The following AGBL1 variants were observed in gnomAD, a reference collection of about 807,000 sequenced individuals.
AGBL1 encodes AGBL carboxypeptidase 1.
A neutral mutation model predicts 118.9 loss-of-function variants in AGBL1; 130 were observed. The ratio of observed to expected loss-of-function variants is 1.09; its 90% CI spans 0.95 to 1.26. AGBL1 has a LOEUF of 1.26. Ranked by LOEUF, AGBL1 falls within the 50% of genes most tolerant of loss-of-function variation. The pLI, the probability that AGBL1 is intolerant of heterozygous loss-of-function variation, is 0.00. For synonymous variants in AGBL1, 555 were observed against 478.9 expected, an observed-to-expected ratio of 1.16 and a Z score of -2.08; for missense variants, 1,584 against 1,298.1, an observed-to-expected ratio of 1.22 and a Z score of -3.38.
chr15:86,490,691 C>T (rs952074975), intron 18 of AGBL1, among the ~76,000 whole-genome samples: 4 of 152,128 alleles, frequency 2.6e-5, no homozygotes, highest in Non-Finnish European at 5.9e-5. Flanking sequence ...ATTAGGAAAC[C>T]GAATGCAAAC....
intron 17 of AGBL1, among the ~76,000 whole-genome samples, chr15:86,336,081 G>T (rs1159750756): frequency 6.6e-6 from 1 of 152,172 alleles, no homozygotes; most frequent in Non-Finnish European, 1.5e-5. Context: ...AGAAAGAAAG[G>T]GTGGAGAAAT....
chr15:86,187,521 G>A (rs141763373), intron 5 of AGBL1, among the ~76,000 whole-genome samples: 1 of 152,266 alleles, frequency 6.6e-6, no homozygotes, highest in East Asian at 1.9e-4. Context: ...TTGACCCTAA[G>A]CAACTTTCTT....
At chr15:86,319,389 T>C (rs1272847045) in intron 17 of AGBL1, among the ~76,000 whole-genome samples, 1 of 152,192 alleles carries the variant, frequency 6.6e-6, no homozygotes, top group Admixed American at 6.5e-5. Context: ...TAATTGGCAT[T>C]TTTTTGATAA....
chr15:86,501,872 G>A (rs1313830143), intron 18 of AGBL1, among the ~76,000 whole-genome samples: 3 of 151,594 alleles, frequency 2.0e-5, no homozygotes, highest in African/African-American at 7.3e-5. Flanking sequence ...ATTCGGAAGT[G>A]TGAGTCCTCC....
chr15:86,275,752 C>G (rs1436144130), intron 15 of AGBL1, among the ~76,000 whole-genome samples: 2 of 152,036 alleles, frequency 1.3e-5, no homozygotes, highest in African/African-American at 4.8e-5. Context: ...CATTTTTGAC[C>G]CCAGATGACC....
chr15:86,815,112 A>T (rs149002670), intron 22 of AGBL1, among the ~76,000 whole-genome samples: 1 of 152,258 alleles, frequency 6.6e-6, no homozygotes, highest in Non-Finnish European at 1.5e-5. Flanking sequence ...TGTACCTGTA[A>T]ATAAGTGACA....
chr15:86,382,285 CG>C (rs963048141), intron 17 of AGBL1, among the ~76,000 whole-genome samples: 1 of 152,138 alleles, frequency 6.6e-6, no homozygotes, highest in African/African-American at 2.4e-5. Context: ...AACTTTGAAA[CG>C]AAGGGGCCAG....
downstream of AGBL1, among the ~76,000 whole-genome samples, chr15:86,917,621 T>C (rs944762144): frequency 6.6e-6 from 1 of 152,084 alleles, no homozygotes; most frequent in African/African-American, 2.4e-5. The surrounding 1 kb of genome is among the most constrained non-coding windows in gnomAD (Gnocchi z 4.8). Context: ...TTGCGAAGCG[T>C]AGAGATTCAA....
intron 21 of AGBL1, among the ~76,000 whole-genome samples, chr15:86,593,310 T>C (rs975886666): frequency 6.6e-6 from 1 of 151,796 alleles, no homozygotes; most frequent in African/African-American, 2.4e-5. Flanking sequence ...TTTTTTTTTT[T>C]TGAGAAAAGA....
chr15:86,108,692 C>T (rs1420650750), intron 1 of AGBL1, among the ~76,000 whole-genome samples: 1 of 152,222 alleles, frequency 6.6e-6, no homozygotes, highest in African/African-American at 2.4e-5. Context: ...GGCGCAGTGG[C>T]TCATGCCTAT....
rs1340183297 is a variant in AGBL1 at position 86,724,186 on chromosome 15, C to T, written c.3158+49750C>T. On this transcript the variant is annotated intron_variant, in intron 22 of 22. Coordinates refer to ENST00000614907, the MANE Select transcript of AGBL1 (RefSeq NM_001386094.1). ...GGGAGGCCGAGCTTGCAGTGAGCTG[C>T]GATAGCGCCACTGCGCTCCAGCCTG... 4.7e-5 allele frequency among the ~76,000 whole-genome samples: 6 copies of T among 128,410 alleles called. No homozygotes were observed. The East Asian group carries it at 7.7e-4, about 16-fold the overall frequency. 84.2% of individuals were successfully genotyped at this position (128,410 alleles called of 152,430 possible).
chr15:86,972,736 G>A (rs185027432), intron 23 of AGBL1, among the ~76,000 whole-genome samples: 2 of 152,116 alleles, frequency 1.3e-5, no homozygotes, highest in African/African-American at 4.8e-5. Flanking sequence ...GCATGCTAAT[G>A]TGGCCATTCT....
intron 22 of AGBL1, among the ~76,000 whole-genome samples, chr15:86,794,501 A>T (rs1193736158): frequency 1.3e-5 from 2 of 152,166 alleles, no homozygotes; most frequent in African/African-American, 4.8e-5. Flanking sequence ...TCCTTAGAGT[A>T]ATGATGTTCT....
chr15:86,707,669 C>A (rs779148654), intron 22 of AGBL1, among the ~76,000 whole-genome samples: 1 of 152,072 alleles, frequency 6.6e-6, no homozygotes, highest in South Asian at 2.1e-4. Flanking sequence ...CAATAAAAAT[C>A]CTTTTTTCTG....
At chr15:86,797,901 A>G (rs1174495297) in intron 22 of AGBL1, among the ~76,000 whole-genome samples, 3 of 152,198 alleles carry the variant, frequency 2.0e-5, no homozygotes, top group Admixed American at 6.5e-5. Flanking sequence ...CTTTTTGTCA[A>G]ATGGTATTCT....
intron 22 of AGBL1, among the ~76,000 whole-genome samples, chr15:86,752,506 G>A (rs1054721367): frequency 2.0e-5 from 3 of 152,060 alleles, no homozygotes; most frequent in Admixed American, 2.0e-4. Flanking sequence ...GGAGATGCAG[G>A]CAGATTCTTC....
chr15:86,472,195 C>G (rs1006412029), intron 18 of AGBL1, among the ~76,000 whole-genome samples: 6 of 152,146 alleles, frequency 3.9e-5, no homozygotes, highest in Admixed American at 2.6e-4. Context: ...TCTGTTATCA[C>G]CAAGTTTGTG....
At chr15:86,468,170 G>A (rs758271181) in intron 18 of AGBL1, among the ~76,000 whole-genome samples, 112 of 152,220 alleles carry the variant, frequency 7.4e-4, no homozygotes, top group South Asian at 2.1e-3. Context: ...AGGCCTTGAA[G>A]AAAAATTGCA....
At chr15:86,588,038 C>T (rs1236944768) in intron 21 of AGBL1, among the ~76,000 whole-genome samples, 1 of 151,946 alleles carries the variant, frequency 6.6e-6, no homozygotes, top group East Asian at 1.9e-4. Context: ...TATCTGCTGG[C>T]ACTATTCTTC....
Sources: allele counts gnomAD v4.1 joint callset (sites outside exome capture counted in the v4.1 genomes callset), GRCh38; gene constraint gnomAD v4.1.1; non-coding constraint Gnocchi (gnomAD v3.1); transcripts MANE v1.5; gene names NCBI Gene and HGNC (gene_info 2026-07-23, HGNC 2026-07-21).